The following GORASP2 variants were observed in gnomAD, a reference collection of about 807,000 sequenced individuals.
The protein encoded by GORASP2 is Golgi reassembly-stacking protein 2.
A neutral mutation model predicts 45.7 loss-of-function variants in GORASP2; 22 were observed. The ratio of observed to expected loss-of-function variants is 0.48; its 90% CI spans 0.34 to 0.69. GORASP2 has a LOEUF of 0.69. GORASP2 is among the 30% of genes least tolerant of loss of function. The pLI, the probability that GORASP2 is intolerant of heterozygous loss-of-function variation, is 0.01. For missense variants in GORASP2, 491 were observed against 562.7 expected (o/e 0.87, Z 1.29); for synonymous variants, 221 against 215.6 (o/e 1.02, Z -0.22).
chr2:170,961,314 G>T (rs1704554656), intron 7 of GORASP2, among the ~76,000 whole-genome samples: 1 of 152,216 alleles, frequency 6.6e-6, no homozygotes, highest in Non-Finnish European at 1.5e-5. Flanking sequence ...GCCCAGTTGA[G>T]ATTGACTAGA....
chr2:170,934,706 C>T (rs1449885778), intron 1 of GORASP2, among the ~76,000 whole-genome samples: 1 of 152,084 alleles, frequency 6.6e-6, no homozygotes, highest in Non-Finnish European at 1.5e-5. Context: ...GACCCTGCCC[C>T]CAGAATTGAT....
At chr2:170,928,544 C>T (rs1197865359), upstream of GORASP2, 1 of 152,270 alleles carries the variant, frequency 6.6e-6, no homozygotes, top group Non-Finnish European at 1.5e-5. Flanking sequence ...TGAATACGAC[C>T]TGGCTACCTG....
At chr2:170,929,682 G>T (rs1703769103) in intron 1 of GORASP2, 2 of 635,450 alleles carry the variant, frequency 3.1e-6, no homozygotes, top group Admixed American at 2.2e-5. Flanking sequence ...GGGAAGGGGG[G>T]ACAACCTTGC....
intron 8 of GORASP2, 84 bp downstream of exon 8, chr2:170,961,833 C>A (rs1374568740): frequency 1.2e-6 from 1 of 818,676 alleles, no homozygotes; most frequent in African/African-American, 1.7e-5. Context: ...AAATATTATA[C>A]CTGTGTGGTA....
At position 170,966,312 on chromosome 2, in the gene GORASP2, C is replaced by T. The variant is rs1390210401; in HGVS notation, c.*182C>T. ...CCTGCCAGGTTGAGTGGGGCTCACA[C>T]GCTAGGGTGAGATGTCAGAAAGCGC... On this transcript the variant is annotated 3_prime_UTR_variant, in exon 10 of 10. Transcript: ENST00000234160. 3 of 602,280 alleles carry T rather than the reference C, an allele frequency of 5.0e-6. No homozygotes were observed. The highest frequency in any genetic ancestry group is 2.8e-5 in the East Asian group (1 of 35,824). 37.3% of individuals were successfully genotyped at this position (602,280 alleles called of 1,614,324 possible). A position where few individuals can be genotyped will look rare whatever the true frequency, so the allele number is the denominator to read the frequency against.
intron 1 of GORASP2, among the ~76,000 whole-genome samples, chr2:170,944,972 T>C (rs1003592966): frequency 6.6e-6 from 1 of 152,190 alleles, no homozygotes; most frequent in Non-Finnish European, 1.5e-5. Context: ...AACCACCTAA[T>C]AGGCATTTCA....
intron 1 of GORASP2, among the ~76,000 whole-genome samples, chr2:170,941,621 T>G (rs1199318717): frequency 6.6e-6 from 1 of 152,202 alleles, no homozygotes; most frequent in African/African-American, 2.4e-5. Flanking sequence ...GGGAACCATG[T>G]GCTAGGTACT....
chr2:170,930,007 A>G, intron 1 of GORASP2: 1 of 305,798 alleles, frequency 3.3e-6, no homozygotes, highest in South Asian at 2.4e-5. Flanking sequence ...GCCACTCCTG[A>G]CCCTCCCAAA....
intron 9 of GORASP2, among the ~76,000 whole-genome samples, chr2:170,963,556 G>C (rs1704620677): frequency 7.1e-6 from 1 of 141,426 alleles, no homozygotes; most frequent in Non-Finnish European, 1.5e-5. Context: ...TGACTTTAAT[G>C]AAAGTGTACA....
At chr2:170,942,408 C>T (rs954511991) in intron 1 of GORASP2, among the ~76,000 whole-genome samples, 9 of 152,196 alleles carry the variant, frequency 5.9e-5, no homozygotes, top group African/African-American at 1.2e-4. Flanking sequence ...CCCCTCATAA[C>T]AACTAATCTG....
chr2:170,951,717 C>T (rs540041441), intron 5 of GORASP2: 5 of 221,734 alleles, frequency 2.3e-5, no homozygotes, highest in African/African-American at 1.1e-4. Context: ...GAAATTATTG[C>T]GCATAAGCCA....
At chr2:170,950,893 G>A (rs139039039) in intron 4 of GORASP2, among the ~76,000 whole-genome samples, 51 of 152,116 alleles carry the variant, frequency 3.4e-4, no homozygotes, top group African/African-American at 1.2e-3. Flanking sequence ...GAGGTGGAAG[G>A]ATCACTTGAG....
chr2:170,949,344 T>A lies in GORASP2; in HGVS notation c.145-195T>A, dbSNP rs554908012. Among the ~76,000 whole-genome samples the A allele has an allele frequency of 7.9e-5, 12 of 152,350 alleles. No individual in the cohort carries two copies. In the South Asian group the frequency reaches 2.5e-3, roughly 32 times the overall value. ...ATGAGCTATTAGAAAAAAGTCAGTT[T>A]CAAGTTGTTGCTAACGTAAGAGTTC... On this transcript the variant is annotated intron_variant, in intron 2 of 9. Coordinates refer to ENST00000234160, the MANE Select transcript of GORASP2 (RefSeq NM_015530.5).
chr2:170,934,346 C>T (rs1354779977), intron 1 of GORASP2, among the ~76,000 whole-genome samples: 1 of 151,634 alleles, frequency 6.6e-6, no homozygotes, highest in Non-Finnish European at 1.5e-5. Flanking sequence ...CGCATCTCGG[C>T]TCACTGCAAC....
Position 170,966,476 on chromosome 2 carries a change from T to C in GORASP2, c.*346T>C. The stretch of plus-strand genomic sequence containing the variant: ...TTCCTGTCCCCTGCTGCTCCTTCCG[T>C]AAGAAAATGAAATATTCTATGCCTA... On this transcript the variant is annotated 3_prime_UTR_variant, in exon 10 of 10. Coordinates refer to ENST00000234160, the MANE Select transcript of GORASP2 (RefSeq NM_015530.5). The C allele has an allele frequency of 2.8e-6, 1 of 359,802 alleles. No homozygotes were observed. Among genetic ancestry groups the C allele is most frequent in the Non-Finnish European group, 5.1e-6 (1 of 195,144 alleles). 22.3% of individuals were successfully genotyped at this position (359,802 alleles called of 1,614,324 possible). A position where few individuals can be genotyped will look rare whatever the true frequency, so the allele number is the denominator to read the frequency against.
At chr2:170,945,457 A>T (rs1028019036) in intron 1 of GORASP2, among the ~76,000 whole-genome samples, 2 of 146,510 alleles carry the variant, frequency 1.4e-5, no homozygotes, top group African/African-American at 5.0e-5. Context: ...CTATGGATGC[A>T]CCCCACTCCA....
At chr2:170,945,682 C>T (rs191181724) in intron 1 of GORASP2, among the ~76,000 whole-genome samples, 1 of 152,242 alleles carries the variant, frequency 6.6e-6, no homozygotes, top group Non-Finnish European at 1.5e-5. Flanking sequence ...CTATTCTTTA[C>T]TGTTATCAAA....
chr2:170,947,675 G>C (rs1372992534), intron 1 of GORASP2, among the ~76,000 whole-genome samples: 1 of 152,180 alleles, frequency 6.6e-6, no homozygotes, highest in Admixed American at 6.5e-5. Context: ...TGCCTTGCTA[G>C]TAGTAGTCAA....
intron 6 of GORASP2, among the ~76,000 whole-genome samples, chr2:170,955,211 AAGG>A (rs929340674): frequency 6.6e-6 from 1 of 152,102 alleles, no homozygotes; most frequent in African/African-American, 2.4e-5. Flanking sequence ...AGTCAGGTGA[AAGG>A]AGTGAAAAAA....
Sources: gnomAD v4.1 joint callset for allele counts (sites outside exome capture counted in the v4.1 genomes callset) on GRCh38, gnomAD v4.1.1 for gene constraint, MANE v1.5 for transcripts, NCBI Gene and HGNC (gene_info 2026-07-23, HGNC 2026-07-21) for gene names.